RCC2: variants seen among roughly 807,000 people sequenced by gnomAD.
RCC2 encodes the protein protein RCC2.
In RCC2, 19 loss-of-function variants were observed where a neutral mutation model predicts 64.1. The ratio of observed to expected loss-of-function variants is 0.30; its 90% CI spans 0.21 to 0.44. The LOEUF (loss-of-function observed/expected upper bound fraction) is 0.44, where lower values mean the gene tolerates loss of function less well. Among genes scored for constraint, RCC2 ranks in the 20% least tolerant of loss-of-function variants. The pLI is 1.00. For synonymous variants in RCC2, 325 were observed against 279.6 expected (o/e 1.16, Z -1.62); for missense variants, 508 against 710.4 (o/e 0.72, Z 3.24).
chr1:17,437,758 C>G (rs1201047906), intron 2 of RCC2, among the ~76,000 whole-genome samples: 9 of 4,746 alleles, frequency 1.9e-3, no homozygotes, highest in African/African-American at 5.6e-3. Flanking sequence ...CGCAAACGGC[C>G]GCTCCCCGCA....
intron 4 of RCC2, among the ~76,000 whole-genome samples, chr1:17,425,169 T>G (rs1362803004): frequency 6.6e-6 from 1 of 152,108 alleles, no homozygotes; most frequent in Non-Finnish European, 1.5e-5. Flanking sequence ...AGAGGTCTCA[T>G]GTCATATCGT....
rs1557622341 is a variant in RCC2, at chr1:17,414,547, CG to C, written c.1027-831del. Among the ~76,000 whole-genome samples the C allele has an allele frequency of 3.5e-4, 40 of 115,298 alleles. 1 individual carries two copies. Among genetic ancestry groups the C allele is most frequent in the African/African-American group, 1.1e-3 (33 of 29,230 alleles). The allele number at this position is 115,298 out of a possible 152,430, so 75.6% of individuals were successfully genotyped here. A position where few individuals can be genotyped will look rare whatever the true frequency, so the allele number is the denominator to read the frequency against. Reference sequence around the variant, plus strand: ...TCCATCTCAAAAAAAAAAAACAAAACGAAACAAAAAAAAAAACACAACAAAA... The same window carrying C: ...TCCATCTCAAAAAAAAAAAACAAAACAAACAAAAAAAAAAACACAACAAAA... On this transcript the variant is annotated intron_variant, in intron 8 of 12. Coordinates refer to ENST00000375436, the MANE Select transcript of RCC2 (RefSeq NM_018715.4).
chr1:17,420,574 G>A (rs768405103), intron 7 of RCC2, 140 bp downstream of exon 7: 2 of 505,742 alleles, frequency 4.0e-6, no homozygotes, highest in African/African-American at 2.0e-5. Flanking sequence ...TGCTGAACGT[G>A]AGATCCACTT....
At position 17,431,367 on chromosome 1, in the gene RCC2, T is replaced by A. The variant is rs1210723442; in HGVS notation, c.286-2168A>T. ...AAAAAAAAAAAAAAAAAAATATATA[T>A]ATATATATATATATGTGGGCTGGGT... On this transcript the variant is annotated intron_variant, in intron 2 of 12. Coordinates refer to ENST00000375436, the MANE Select transcript of RCC2 (RefSeq NM_018715.4). 1.9e-3 allele frequency among the ~76,000 whole-genome samples: 132 copies of A among 70,890 alleles called. 12 individuals are homozygous for A. Among genetic ancestry groups the A allele is most frequent in the East Asian group, 3.5e-3 (9 of 2,548 alleles). 46.5% of individuals were successfully genotyped at this position (70,890 alleles called of 152,430 possible).
chr1:17,424,645 G>A (rs1363750201), intron 4 of RCC2, among the ~76,000 whole-genome samples: 2 of 152,198 alleles, frequency 1.3e-5, no homozygotes, highest in African/African-American at 2.4e-5. Context: ...TGGTACAGCA[G>A]CTCATGAAAT....
At chr1:17,409,255 G>A (rs906347995) in intron 12 of RCC2, 61 bp from the exon 13 acceptor site, 27 of 1,076,292 alleles carry the variant, frequency 2.5e-5, no homozygotes, top group Admixed American at 3.4e-5. Flanking sequence ...ATGCGTTGAA[G>A]AGACTCTGGA....
chr1:17,434,887 A>G (rs1359305972), intron 2 of RCC2, among the ~76,000 whole-genome samples: 2 of 152,220 alleles, frequency 1.3e-5, no homozygotes, highest in Non-Finnish European at 2.9e-5. Flanking sequence ...CGGGCAAATC[A>G]CGAGGTCAGG....
intron 7 of RCC2, among the ~76,000 whole-genome samples, chr1:17,420,345 G>T (rs1010788494): frequency 1.3e-5 from 2 of 152,128 alleles, no homozygotes; most frequent in African/African-American, 4.8e-5. Context: ...CCAGAACAAC[G>T]TTCATTTTCC....
At chr1:17,438,716 G>C (rs1414569217) in intron 1 of RCC2, among the ~76,000 whole-genome samples, 194 bp from the exon 2 acceptor site, 1 of 151,944 alleles carries the variant, frequency 6.6e-6, no homozygotes, top group Non-Finnish European at 1.5e-5. Flanking sequence ...CGGCTCCTTC[G>C]GGGAATCCCG....
At chr1:17,412,246 C>A in intron 10 of RCC2, 52 bp from the exon 11 acceptor site, 4 of 1,563,600 alleles carry the variant, frequency 2.6e-6, no homozygotes, top group Non-Finnish European at 3.5e-6. Context: ...GACCTGCACC[C>A]ACGCAGCTAT....
chr1:17,413,843 C>T, intron 8 of RCC2, 126 bp from the exon 9 acceptor site: 1 of 873,366 alleles, frequency 1.1e-6, no homozygotes, highest in Non-Finnish European at 1.8e-6. Flanking sequence ...CATTCAAGAT[C>T]CCCTACCAGC....
chr1:17,435,427 T>TA (rs34843159), intron 2 of RCC2, among the ~76,000 whole-genome samples: 2 of 152,126 alleles, frequency 1.3e-5, no homozygotes, highest in Non-Finnish European at 2.9e-5. Context: ...AAATGCTCAG[T>TA]AAAAAAGGTT....
intron 11 of RCC2, among the ~76,000 whole-genome samples, chr1:17,410,259 G>C (rs2075410499): frequency 6.6e-6 from 1 of 152,200 alleles, no homozygotes; most frequent in Non-Finnish European, 1.5e-5. Context: ...CAGGCGACTA[G>C]CGCTTAACCT....
At position 17,408,479 on chromosome 1, in the gene RCC2, T is replaced by TA. The variant is rs2075388294; in HGVS notation, c.*610dup. 1 of 152,604 alleles carries TA rather than the reference T, an allele frequency of 6.6e-6. No homozygotes were observed. The highest frequency in any genetic ancestry group is 6.5e-5 in the Admixed American group (1 of 15,310). 9.5% of individuals were successfully genotyped at this position (152,604 alleles called of 1,614,324 possible). A position where few individuals can be genotyped will look rare whatever the true frequency, so the allele number is the denominator to read the frequency against. On this transcript the variant is annotated 3_prime_UTR_variant, in exon 13 of 13. Coordinates refer to ENST00000375436, the MANE Select transcript of RCC2 (RefSeq NM_018715.4). ...ACCAGGGGGGACACGGCCGATTCTA[T>TA]AATGTCGCAGCCAGAAGGCTGTGGG...
At chr1:17,432,505 G>A (rs1354913086) in intron 2 of RCC2, among the ~76,000 whole-genome samples, 2 of 152,236 alleles carry the variant, frequency 1.3e-5, no homozygotes, top group African/African-American at 4.8e-5. Flanking sequence ...CAGGCAGGCG[G>A]AGGTTCATGG....
intron 6 of RCC2, 33 bp downstream of exon 6, chr1:17,422,170 A>G: frequency 6.8e-7 from 1 of 1,479,828 alleles, no homozygotes; most frequent in Non-Finnish European, 9.2e-7. Context: ...AGAGAAACAA[A>G]AAGCCATGGA....
chr1:17,423,311 TG>T (rs1413759847), intron 4 of RCC2, among the ~76,000 whole-genome samples: 2 of 151,658 alleles, frequency 1.3e-5, no homozygotes, highest in African/African-American at 4.9e-5. Flanking sequence ...ATTTGGTGTC[TG>T]CCCAATATTT....
chr1:17,412,115 A>T lies in RCC2; in HGVS notation c.1386+7T>A. 2.5e-6 allele frequency: 4 copies of T among 1,614,066 alleles called. No homozygotes were observed. Among genetic ancestry groups the T allele is most frequent in the Middle Eastern group, 1.7e-4 (1 of 6,060 alleles). On this transcript the variant is annotated splice_region_variant and intron_variant, in intron 11 of 12. Coordinates refer to ENST00000375436, the MANE Select transcript of RCC2 (RefSeq NM_018715.4). ...ACTTCCCCTGACCCGCACAGGTGACAGCTTACCAGTTCCCCAAAGGTCGGT... is the reference window on the plus strand; with the variant it reads ...ACTTCCCCTGACCCGCACAGGTGACTGCTTACCAGTTCCCCAAAGGTCGGT...
intron 2 of RCC2, among the ~76,000 whole-genome samples, chr1:17,431,884 C>T (rs374512974): frequency 2.6e-5 from 4 of 152,196 alleles, no homozygotes; most frequent in South Asian, 2.1e-4. Flanking sequence ...GGATCACCTG[C>T]GGTCAGGAGT....
Sources: gnomAD v4.1 joint callset for allele counts (sites outside exome capture counted in the v4.1 genomes callset) on GRCh38, gnomAD v4.1.1 for gene constraint, MANE v1.5 for transcripts, NCBI Gene and HGNC (gene_info 2026-07-23, HGNC 2026-07-21) for gene names.